SCN8A: variants seen among roughly 807,000 people sequenced by gnomAD.
The protein encoded by SCN8A is sodium voltage-gated channel alpha subunit 8.
A neutral mutation model predicts 184.1 loss-of-function variants in SCN8A; 30 were observed. That is an observed-to-expected ratio of 0.16 (90% confidence interval 0.12 to 0.22). The LOEUF (loss-of-function observed/expected upper bound fraction) is 0.22, where lower values mean the gene tolerates loss of function less well. SCN8A is among the 10% of genes least tolerant of loss of function. The probability of loss-of-function intolerance (pLI) is 1.00; values close to 1 mark genes in which losing one functional copy is unlikely to be tolerated. For synonymous variants in SCN8A, 852 were observed against 907.0 expected (o/e 0.94, Z 1.09); for missense variants, 1,057 against 2,498.9 (o/e 0.42, Z 12.30).
At chr12:51,677,272 G>C (rs991764474) in intron 2 of SCN8A, among the ~76,000 whole-genome samples, 1 of 151,622 alleles carries the variant, frequency 6.6e-6, no homozygotes, top group Non-Finnish European at 1.5e-5. Flanking sequence ...TTTTTTTGTA[G>C]AGATGGAGTT....
chr12:51,616,721 A>G (rs908924386), intron 1 of SCN8A, among the ~76,000 whole-genome samples: 4 of 152,074 alleles, frequency 2.6e-5, no homozygotes, highest in Admixed American at 1.3e-4. Context: ...GGAGTTTGAG[A>G]CAGGCTGGGC....
intron 2 of SCN8A, among the ~76,000 whole-genome samples, chr12:51,669,046 T>C (rs947523459): frequency 1.1e-4 from 16 of 152,350 alleles, no homozygotes; most frequent in African/African-American, 3.8e-4. Context: ...TATTGAATGC[T>C]GTAGACATTT....
intron 14 of SCN8A, among the ~76,000 whole-genome samples, chr12:51,760,953 T>A (rs1160856313): frequency 1.3e-5 from 2 of 152,198 alleles, no homozygotes; most frequent in Admixed American, 1.3e-4. Flanking sequence ...ATCTAAGTAT[T>A]TTTTACTATT....
chr12:51,594,928 T>G (rs996075829), intron 1 of SCN8A, among the ~76,000 whole-genome samples: 3 of 152,210 alleles, frequency 2.0e-5, no homozygotes, highest in African/African-American at 7.2e-5. Context: ...GATTGTTGTA[T>G]CTCAATTTAC....
intron 1 of SCN8A, among the ~76,000 whole-genome samples, chr12:51,603,050 A>ATT (rs1939502295): frequency 6.6e-6 from 1 of 152,300 alleles, no homozygotes; most frequent in East Asian, 1.9e-4. Flanking sequence ...TAAAATTGAA[A>ATT]CAAATCTTGG....
Position 51,701,224 on chromosome 12 carries a change from G to A in SCN8A, c.992+17G>A, listed in dbSNP as rs1206110105. On this transcript the variant is annotated intron_variant, in intron 8 of 26. Transcript: ENST00000627620. The stretch of plus-strand genomic sequence containing the variant: ...TGATGCTGGGTAAGTAGCTCACCTA[G>A]TTTTATTCTCTTTCCTTAAAATAAT... The A allele has an allele frequency of 6.5e-7, 1 of 1,533,042 alleles. No individual in the cohort carries two copies. The allele number at this position is 1,533,042 out of a possible 1,614,324, so 95.0% of individuals were successfully genotyped here. A position where few individuals can be genotyped will look rare whatever the true frequency, so the allele number is the denominator to read the frequency against.
At chr12:51,650,944 A>G (rs1221926600) in intron 1 of SCN8A, among the ~76,000 whole-genome samples, 2 of 152,218 alleles carry the variant, frequency 1.3e-5, no homozygotes, top group Non-Finnish European at 2.9e-5. Flanking sequence ...GTTTCTATAG[A>G]TATTAAATTA....
chr12:51,650,533 A>G (rs1940687880), intron 1 of SCN8A, among the ~76,000 whole-genome samples: 1 of 137,542 alleles, frequency 7.3e-6, no homozygotes, highest in East Asian at 2.1e-4. Context: ...TTTTTGAGAC[A>G]GAATCTTGCA....
At chr12:51,705,744 A>C (rs1451612700) in intron 10 of SCN8A, 121 bp downstream of exon 10, 3 of 885,684 alleles carry the variant, frequency 3.4e-6, no homozygotes, top group Admixed American at 2.8e-5. Context: ...CATTGGTCTG[A>C]TGAAAATAAC....
At chr12:51,726,851 T>G (rs911133987) in intron 12 of SCN8A, among the ~76,000 whole-genome samples, 1 of 152,248 alleles carries the variant, frequency 6.6e-6, no homozygotes, top group African/African-American at 2.4e-5. Context: ...AAATCCTTTG[T>G]TTGAGAAAGA....
Position 51,663,030 on chromosome 12 carries a change from C to T in SCN8A, c.213C>T (p.Asp71=), listed in dbSNP as rs888638528. Residue 71 remains aspartate, a synonymous_variant, in exon 2 of 27, where the codon GAC becomes GAT. Transcript: ENST00000627620. ...AGKSLPFIYG[D]IPQGLVAVPL... ...AGAGTTTGCCTTTCATCTACGGGGA[C>T]ATCCCCCAAGGCCTGGTTGCAGTTC... 1 of 1,614,038 alleles carries T rather than the reference C, an allele frequency of 6.2e-7. No homozygotes were observed. Among genetic ancestry groups the T allele is most frequent in the Non-Finnish European group, 8.5e-7 (1 of 1,179,892 alleles).
intron 13 of SCN8A, 34 bp downstream of exon 13, chr12:51,746,069 GAT>G: frequency 6.4e-7 from 1 of 1,554,688 alleles, no homozygotes; most frequent in Non-Finnish European, 8.7e-7. Flanking sequence ...CAACCGCTGA[GAT>G]ATAAATATGT....
chr12:51,727,462 T>C (rs1003850783), intron 12 of SCN8A, among the ~76,000 whole-genome samples: 2 of 151,636 alleles, frequency 1.3e-5, no homozygotes, highest in African/African-American at 4.8e-5. Flanking sequence ...AAAGGGTATG[T>C]GATCTTTCCT....
At chr12:51,618,919 A>G (rs1460053743) in intron 1 of SCN8A, among the ~76,000 whole-genome samples, 1 of 152,160 alleles carries the variant, frequency 6.6e-6, no homozygotes, top group East Asian at 1.9e-4. Flanking sequence ...GTTTTTTAAA[A>G]TATATAATAT....
In SCN8A at chr12:51,686,021, A is replaced by C. The variant is rs546533522; in HGVS notation, c.396-347A>C. 2.0e-5 allele frequency among the ~76,000 whole-genome samples: 3 copies of C among 152,352 alleles called. No individual in the cohort carries two copies. In the East Asian group the frequency reaches 5.8e-4, roughly 29 times the overall value. ...TCTTATCTGACAACTTTGGTTGAGA[A>C]AGTGCAAAGGTATTATACTAAGTGC... On this transcript the variant is annotated intron_variant, in intron 3 of 26. Transcript: ENST00000627620.
chr12:51,679,265 A>C lies in SCN8A; in HGVS notation c.277-4909A>C, dbSNP rs78382312. On this transcript the variant is annotated intron_variant, in intron 2 of 26. Coordinates refer to ENST00000627620, the MANE Select transcript of SCN8A (RefSeq NM_001330260.2). ...AAAAAATAAAAATAAAAGATAAGAC[A>C]AAATAGAAAGCTAGTCAGATGATTC... Among the ~76,000 whole-genome samples, 837 of 152,176 alleles carry C rather than the reference A, an allele frequency of 5.5e-3. 4 individuals carry two copies. The highest frequency in any genetic ancestry group is 0.019 in the African/African-American group (777 of 41,526).
intron 1 of SCN8A, among the ~76,000 whole-genome samples, chr12:51,662,499 T>G (rs1940944036): frequency 6.6e-6 from 1 of 152,184 alleles, no homozygotes; most frequent in South Asian, 2.1e-4. Context: ...ATATCCTTTT[T>G]GTCATATGTG....
In SCN8A at chr12:51,686,527, C is replaced by G. The variant is rs1228770743; in HGVS notation, c.485+70C>G. 3 of 1,049,758 alleles carry G rather than the reference C, an allele frequency of 2.9e-6. No individual in the cohort carries two copies. In the African/African-American group the frequency reaches 4.8e-5, roughly 17 times the overall value. The allele number at this position is 1,049,758 out of a possible 1,614,324, so 65.0% of individuals were successfully genotyped here. A position where few individuals can be genotyped will look rare whatever the true frequency, so the allele number is the denominator to read the frequency against. ...TTAGTCACTAAATCTTGCTTTGCCA[C>G]AGTTTACCCATCAAGGAGAAAAAAA... On this transcript the variant is annotated intron_variant, in intron 4 of 26. Coordinates refer to ENST00000627620, the MANE Select transcript of SCN8A (RefSeq NM_001330260.2).
intron 1 of SCN8A, among the ~76,000 whole-genome samples, chr12:51,623,607 CTA>C (rs967344407): frequency 1.3e-5 from 2 of 152,074 alleles, no homozygotes; most frequent in African/African-American, 4.8e-5. Flanking sequence ...AGTCAAAACA[CTA>C]TTTTCTTTTT....
Sources: gnomAD v4.1 joint callset for allele counts (sites outside exome capture counted in the v4.1 genomes callset) on GRCh38, gnomAD v4.1.1 for gene constraint, MANE v1.5 for transcripts, NCBI Gene and HGNC (gene_info 2026-07-23, HGNC 2026-07-21) for gene names.